AVPR1B: variants seen among roughly 807,000 people sequenced by gnomAD.
AVPR1B encodes the protein vasopressin V1b receptor.
In AVPR1B, 25 loss-of-function variants were observed where a neutral mutation model predicts 27.5. The observed-to-expected ratio is 0.91, with a 90% confidence interval of 0.66 to 1.27. The LOEUF is 1.27. Ranked by LOEUF, AVPR1B falls within the 50% of genes most tolerant of loss-of-function variation. The pLI is 0.00. For missense variants in AVPR1B, 595 were observed against 556.9 expected (o/e 1.07, Z -0.69); for synonymous variants, 248 against 240.2 (o/e 1.03, Z -0.30).
chr1:206,116,728 C>T lies in AVPR1B; in HGVS notation c.163G>A (p.Val55Met), dbSNP rs782538830. ...CCCAGCTGGCCCAGGGTCAGCAGCA[C>T]AGCCAGGTTGCCCCCGGTCGCCAGC... is the stretch of plus-strand genomic sequence containing the variant. ...LVLATGGNLA[V>M]LLTLGQLGRK... The change falls in exon 1 of 2, where the codon GTG becomes ATG. Residue 55 changes from valine (V) to methionine (M), a missense_variant. Coordinates refer to ENST00000367126, the MANE Select transcript of AVPR1B (RefSeq NM_000707.5). 51 of 1,610,638 alleles carry T rather than the reference C, an allele frequency of 3.2e-5. 1 individual carries two copies. In the Admixed American group the frequency reaches 8.5e-4, roughly 27 times the overall value.
Position 206,109,356 on chromosome 1 carries a change from G to C in AVPR1B, c.*833C>G, listed in dbSNP as rs996680400. 2.0e-4 allele frequency among the ~76,000 whole-genome samples: 30 copies of C among 152,098 alleles called. No homozygotes were observed. Among genetic ancestry groups the C allele is most frequent in the Non-Finnish European group, 3.5e-4 (24 of 68,004 alleles). The stretch of plus-strand genomic sequence containing the variant: ...TGGATTCCCTGGGGGGTGGGTTGGG[G>C]AAAGGAGGGAGGGCCACAAGTCCCT... On this transcript the variant is annotated 3_prime_UTR_variant, in exon 2 of 2. Transcript: ENST00000367126.
In AVPR1B at chr1:206,109,027, C is replaced by T. The variant is rs1252839881; in HGVS notation, c.*1162G>A. On this transcript the variant is annotated 3_prime_UTR_variant, in exon 2 of 2. Transcript: ENST00000367126. ...TCTAGACCCTGTTGGTTATAATATC[C>T]TTTGTGTTTCTCTGTAACACCATTT... Among the ~76,000 whole-genome samples the T allele has an allele frequency of 6.6e-6, 1 of 152,226 alleles. No individual in the cohort carries two copies. Among genetic ancestry groups the T allele is most frequent in the East Asian group, 1.9e-4 (1 of 5,200 alleles).
chr1:206,111,391 G>A (rs1553289833), intron 1 of AVPR1B, among the ~76,000 whole-genome samples: 1 of 152,218 alleles, frequency 6.6e-6, no homozygotes, highest in African/African-American at 2.4e-5. Flanking sequence ...CAGGAAAGCT[G>A]CTAGGATGAG....
intron 1 of AVPR1B, among the ~76,000 whole-genome samples, chr1:206,112,238 T>C (rs1553289936): frequency 2.0e-5 from 3 of 151,974 alleles, no homozygotes; most frequent in African/African-American, 7.2e-5. Flanking sequence ...AGTTTGGATG[T>C]TTGTGCCCTC....
rs1421196835 is a variant in AVPR1B, at chr1:206,109,163, A to G, written c.*1026T>C. Among the ~76,000 whole-genome samples the G allele has an allele frequency of 1.3e-5, 2 of 152,162 alleles. No individual in the cohort carries two copies. The highest frequency in any genetic ancestry group is 2.9e-5 in the Non-Finnish European group (2 of 68,022). ...GAGTGACTCACCCAAGGTCACACAG[A>G]TACTGAAGGCAGAGCTGAGATTCAA... On this transcript the variant is annotated 3_prime_UTR_variant, in exon 2 of 2. Transcript: ENST00000367126.
chr1:206,116,475 G>C lies in AVPR1B; in HGVS notation c.416C>G (p.Pro139Arg). Residue 139 changes from proline (P) to arginine (R), a missense_variant, in exon 1 of 2, where the codon CCC becomes CGC. By Grantham distance (103) the Pro-to-Arg change is moderately radical. Transcript: ENST00000367126. ...GCCTGGCTGCTGGAGGCTGCGCAGGGGGTGACAGACAGCCAGGTAGCGGTC... is the reference window on the plus strand; with the variant it reads ...GCCTGGCTGCTGGAGGCTGCGCAGGCGGTGACAGACAGCCAGGTAGCGGTC... The part of the protein sequence containing the change: ...TLDRYLAVCH[P>R]LRSLQQPGQS... 3 of 1,614,006 alleles carry C rather than the reference G, an allele frequency of 1.9e-6. No homozygotes were observed. Among genetic ancestry groups the C allele is most frequent in the Non-Finnish European group, 2.5e-6 (3 of 1,180,010 alleles).
In AVPR1B at chr1:206,107,918, T is replaced by C. The variant is rs34200508; in HGVS notation, c.*2271A>G. Among the ~76,000 whole-genome samples the C allele has an allele frequency of 0.018, 2,750 of 152,370 alleles. 28 individuals carry two copies. Among genetic ancestry groups the C allele is most frequent in the South Asian group, 0.029 (139 of 4,830 alleles). On this transcript the variant is annotated 3_prime_UTR_variant, in exon 2 of 2. Coordinates refer to ENST00000367126, the MANE Select transcript of AVPR1B (RefSeq NM_000707.5). Reference sequence around the variant, plus strand: ...CCAACAAAGTGGGCATTGCTATTTCTATTTAATAAATGAAGAAAGCATTGC... The same window carrying C: ...CCAACAAAGTGGGCATTGCTATTTCCATTTAATAAATGAAGAAAGCATTGC...
chr1:206,116,649 A>G lies in AVPR1B; in HGVS notation c.242T>C (p.Leu81Pro), dbSNP rs782629760. Residue 81 changes from leucine to proline, a missense_variant, in exon 1 of 2, where the codon CTG becomes CCG. By Grantham distance (98) the Leu-to-Pro change is moderately conservative. Coordinates refer to ENST00000367126, the MANE Select transcript of AVPR1B (RefSeq NM_000707.5). ...LFVLHLALTDLAVALFQVLPQ... is the reference protein window; with the variant it reads ...LFVLHLALTDPAVALFQVLPQ... ...CAGCACCTGGAAGAGCGCCACGGCC[A>G]GGTCTGTCAGGGCTAAGTGCAGCAC... 2.5e-5 allele frequency: 41 copies of G among 1,612,738 alleles called. No individual in the cohort carries two copies. Among genetic ancestry groups the G allele is most frequent in the Non-Finnish European group, 3.3e-5 (39 of 1,179,456 alleles).
chr1:206,116,109 C>T lies in AVPR1B; in HGVS notation c.782G>A (p.Gly261Glu), dbSNP rs782068324. The part of the protein sequence containing the change: ...SPSTLAATTR[G>E]LPSRVSSINT... ...GATGCTGCTGACCCGAGATGGCAGC[C>T]CCCGAGTGGTGGCAGCTAAGGTGGA... Residue 261 changes from glycine (G) to glutamate (E), a missense_variant, in exon 1 of 2, where the codon GGG (glycine) becomes GAG (glutamate). Physicochemically the swap from Gly to Glu is moderately conservative, Grantham distance 98 (BLOSUM62 -2). Coordinates refer to ENST00000367126, the MANE Select transcript of AVPR1B (RefSeq NM_000707.5). The T allele has an allele frequency of 8.1e-6, 13 of 1,614,112 alleles. No homozygotes were observed. The highest frequency in any genetic ancestry group is 3.3e-5 in the Admixed American group (2 of 60,014).
At position 206,116,739 on chromosome 1, in the gene AVPR1B, C is replaced by T. The variant is rs1663483436; in HGVS notation, c.152G>A (p.Gly51Asp). Residue 51 changes from glycine (G) to aspartate (D), a missense_variant, in exon 1 of 2, where the codon GGC becomes GAC. By Grantham distance (94) the Gly-to-Asp change is moderately conservative. Coordinates refer to ENST00000367126, the MANE Select transcript of AVPR1B (RefSeq NM_000707.5). ...CAGGGTCAGCAGCACAGCCAGGTTG[C>T]CCCCGGTCGCCAGCACCAGGACAGT... ...LATVLVLATG[G>D]NLAVLLTLGQ... 25 of 1,610,084 alleles carry T rather than the reference C, an allele frequency of 1.6e-5. No homozygotes were observed. Among genetic ancestry groups the T allele is most frequent in the Non-Finnish European group, 2.1e-5 (25 of 1,178,060 alleles).
Position 206,108,197 on chromosome 1 carries a change from C to T in AVPR1B, c.*1992G>A, listed in dbSNP as rs28517473. 0.24 allele frequency among the ~76,000 whole-genome samples: 35,928 copies of T among 152,092 alleles called. 4,380 individuals carry two copies. The highest frequency in any genetic ancestry group is 0.29 in the South Asian group (1,399 of 4,820). ...CAGCTCTGGCTGGCATGGGAGGCTT[C>T]TAAGCCCACTTCACCAGGGCAGATA... On this transcript the variant is annotated 3_prime_UTR_variant, in exon 2 of 2. Coordinates refer to ENST00000367126, the MANE Select transcript of AVPR1B (RefSeq NM_000707.5).
intron 1 of AVPR1B, among the ~76,000 whole-genome samples, chr1:206,115,271 CA>C: frequency 6.6e-6 from 1 of 152,224 alleles, no homozygotes; most frequent in Non-Finnish European, 1.5e-5. Context: ...CAAAGTACAC[CA>C]AACTGACGCC....
Position 206,110,209 on chromosome 1 carries a change from C to T in AVPR1B, c.1255G>A (p.Ala419Thr), listed in dbSNP as rs370359535. The T allele has an allele frequency of 7.6e-5, 123 of 1,611,454 alleles. No homozygotes were observed. Among genetic ancestry groups the T allele is most frequent in the African/African-American group, 2.8e-4 (21 of 74,984 alleles). ...CTTTCCTAAAAGATGATGGTCTCAG[C>T]GGTGCCTTCCCCATCTGCCAGCTCC... ...DLELADGEGT[A>T]ETIIF Residue 419 changes from alanine (A) to threonine (T), a missense_variant, in exon 2 of 2, where the codon GCT becomes ACT. Physicochemically the swap from Ala to Thr is moderately conservative, Grantham distance 58. Transcript: ENST00000367126.
intron 1 of AVPR1B, among the ~76,000 whole-genome samples, chr1:206,111,336 A>C (rs1201339189): frequency 6.6e-6 from 1 of 152,234 alleles, no homozygotes; most frequent in African/African-American, 2.4e-5. Flanking sequence ...GATTCCTTCC[A>C]GACAAAATAT....
In AVPR1B at chr1:206,110,086, C is replaced by G. The variant is rs560458922; in HGVS notation, c.*103G>C. On this transcript the variant is annotated 3_prime_UTR_variant, in exon 2 of 2. Coordinates refer to ENST00000367126, the MANE Select transcript of AVPR1B (RefSeq NM_000707.5). The stretch of plus-strand genomic sequence containing the variant: ...TCGCTCCGCTTTAGACAGGGCTCCT[C>G]TAACTCCAACCCTTACCCTCCCAGC... 2.2e-6 allele frequency: 3 copies of G among 1,356,862 alleles called. No individual in the cohort carries two copies. The African/African-American group carries it at 4.4e-5, about 20-fold the overall frequency. 84.1% of individuals were successfully genotyped at this position (1,356,862 alleles called of 1,614,324 possible).
Position 206,110,296 on chromosome 1 carries a change from T to A in AVPR1B, c.1168A>T (p.Ser390Cys). The A allele has an allele frequency of 6.2e-7, 1 of 1,613,854 alleles. No homozygotes were observed. The highest frequency in any genetic ancestry group is 8.5e-7 in the Non-Finnish European group (1 of 1,179,988). The change falls in exon 2 of 2, where the codon AGC (serine) becomes TGC (cysteine). Residue 390 changes from serine to cysteine, a missense_variant. Coordinates refer to ENST00000367126, the MANE Select transcript of AVPR1B (RefSeq NM_000707.5). ...LTRSSCPATL[S>C]LSLSLTLSGR... is the part of the protein sequence containing the mutation. ...CTGAGGGTTAGGCTGAGGCTGAGGC[T>A]GAGGGTGGCCGGGCAGCTGGAGCGG... is the stretch of plus-strand genomic sequence containing the variant.
At chr1:206,110,824 G>A (rs549224788) in intron 1 of AVPR1B, among the ~76,000 whole-genome samples, 1 of 152,186 alleles carries the variant, frequency 6.6e-6, no homozygotes, top group Admixed American at 6.5e-5. Flanking sequence ...GTCAGGGATA[G>A]GATCAGCCCA....
intron 1 of AVPR1B, among the ~76,000 whole-genome samples, chr1:206,112,047 T>G (rs1422457017): frequency 2.1e-4 from 32 of 152,130 alleles, no homozygotes; most frequent in Admixed American, 2.0e-3. Flanking sequence ...TATGGAAAAT[T>G]AGCCGGCTGT....
chr1:206,112,105 G>T lies in AVPR1B; in HGVS notation c.941-1582C>A, dbSNP rs372630889. 2.6e-5 allele frequency among the ~76,000 whole-genome samples: 4 copies of T among 152,146 alleles called. No homozygotes were observed. The East Asian group carries it at 5.8e-4, about 22-fold the overall frequency. Reference sequence around the variant, plus strand: ...AGCTACTTGGGAGGCTGAGGCGGGAGAATCGCTTGAACCCGAGAGGCAGAG... The same window carrying T: ...AGCTACTTGGGAGGCTGAGGCGGGATAATCGCTTGAACCCGAGAGGCAGAG... On this transcript the variant is annotated intron_variant, in intron 1 of 1. Transcript: ENST00000367126.
Sources: gnomAD v4.1 joint callset for allele counts (sites outside exome capture counted in the v4.1 genomes callset) on GRCh38, gnomAD v4.1.1 for gene constraint, MANE v1.5 for transcripts, NCBI Gene and HGNC (gene_info 2026-07-23, HGNC 2026-07-21) for gene names.